Variants in NKAIN2 observed in about 807,000 individuals in gnomAD.
NKAIN2 encodes sodium/potassium transporting ATPase interacting 2, also known as sodium/potassium-transporting ATPase subunit beta-1-interacting protein 2.
NKAIN2 carries 14 observed loss-of-function variants against 32.6 expected under a neutral mutation model. That is an observed-to-expected ratio of 0.43 (90% CI 0.28 to 0.67). The LOEUF (loss-of-function observed/expected upper bound fraction) is 0.67, where lower values mean the gene tolerates loss of function less well. Ranked by LOEUF, NKAIN2 falls within the 30% of genes least tolerant of loss-of-function variation. NKAIN2 has a pLI of 0.17. For synonymous variants in NKAIN2, 80 were observed against 87.2 expected, an observed-to-expected ratio of 0.92 and a Z score of 0.46; for missense variants, 198 against 258.3, an observed-to-expected ratio of 0.77 and a Z score of 1.60.
At chr6:124,821,754 A>G (rs913253785) in intron 6 of NKAIN2, among the ~76,000 whole-genome samples, 5 of 152,242 alleles carry the variant, frequency 3.3e-5, no homozygotes, top group Non-Finnish European at 2.9e-5. Context: ...GAAGTTATGT[A>G]TACTTAAGGT....
intron 2 of NKAIN2, among the ~76,000 whole-genome samples, chr6:124,342,875 C>T (rs1218671261): frequency 2.7e-5 from 4 of 147,538 alleles, no homozygotes; most frequent in African/African-American, 1.1e-4. Context: ...TACATGTGCA[C>T]AATGTGCCAG....
At chr6:123,899,513 G>A (rs1562246625) in intron 1 of NKAIN2, among the ~76,000 whole-genome samples, 1 of 152,114 alleles carries the variant, frequency 6.6e-6, no homozygotes, top group African/African-American at 2.4e-5. Context: ...TACCTCACAA[G>A]CCAACTTGGA....
At chr6:123,934,574 C>CT (rs1257596673) in intron 1 of NKAIN2, among the ~76,000 whole-genome samples, 1 of 152,016 alleles carries the variant, frequency 6.6e-6, no homozygotes, top group Non-Finnish European at 1.5e-5. Context: ...CTCAGGGTTT[C>CT]TTTAGTACTT....
At chr6:124,727,064 A>T (rs1329342433) in intron 4 of NKAIN2, among the ~76,000 whole-genome samples, 1 of 152,088 alleles carries the variant, frequency 6.6e-6, no homozygotes, top group Non-Finnish European at 1.5e-5. Flanking sequence ...ATGTGAAAAG[A>T]CCAAATCTAC....
chr6:124,652,196 C>A (rs1476327325), intron 3 of NKAIN2, among the ~76,000 whole-genome samples: 1 of 152,192 alleles, frequency 6.6e-6, no homozygotes, highest in Non-Finnish European at 1.5e-5. Context: ...AAGTTCTCTG[C>A]CACTTTATAT....
At chr6:124,707,855 A>G (rs1308993371) in intron 4 of NKAIN2, among the ~76,000 whole-genome samples, 1 of 152,084 alleles carries the variant, frequency 6.6e-6, no homozygotes, top group South Asian at 2.1e-4. Context: ...ATTAGATCCC[A>G]TCTGTGAATT....
At chr6:124,355,189 C>T (rs956163518) in intron 2 of NKAIN2, 78 bp from the exon 3 acceptor site, 31 of 904,030 alleles carry the variant, frequency 3.4e-5, no homozygotes, top group East Asian at 1.9e-4. Context: ...TTAGGGTGTG[C>T]GAAAGTTCGT....
chr6:124,803,715 A>G (rs1262770359), intron 5 of NKAIN2, among the ~76,000 whole-genome samples: 1 of 151,916 alleles, frequency 6.6e-6, no homozygotes, highest in East Asian at 1.9e-4. Context: ...CACTTTTGTC[A>G]CTCTATATAA....
intron 1 of NKAIN2, among the ~76,000 whole-genome samples, chr6:123,821,107 G>A (rs577305642): frequency 2.0e-5 from 3 of 152,270 alleles, no homozygotes; most frequent in East Asian, 3.9e-4. Flanking sequence ...AACATTACAT[G>A]CCAGCCAATC....
At position 123,944,566 on chromosome 6, in the gene NKAIN2, G is replaced by A. The variant is rs968335376; in HGVS notation, c.54+140312G>A. Among the ~76,000 whole-genome samples, 7 of 152,122 alleles carry A rather than the reference G, an allele frequency of 4.6e-5. No individual in the cohort carries two copies. In the South Asian group the frequency reaches 8.3e-4, roughly 18 times the overall value. On this transcript the variant is annotated intron_variant, in intron 1 of 6. Transcript: ENST00000368417. Reference sequence around the variant, plus strand: ...TGGGCTAAATATCATCCAGATAATTGTAGCCTTATTCCACATCCTGTGTTT... The same window carrying A: ...TGGGCTAAATATCATCCAGATAATTATAGCCTTATTCCACATCCTGTGTTT...
At chr6:124,813,285 A>G (rs1780997600) in intron 5 of NKAIN2, among the ~76,000 whole-genome samples, 1 of 152,188 alleles carries the variant, frequency 6.6e-6, no homozygotes, top group Non-Finnish European at 1.5e-5. Context: ...AAATATTTCT[A>G]CAGTATTAGA....
chr6:124,045,192 A>C (rs1782059707), intron 1 of NKAIN2, among the ~76,000 whole-genome samples: 1 of 151,882 alleles, frequency 6.6e-6, no homozygotes, highest in Non-Finnish European at 1.5e-5. Context: ...ATATATATAT[A>C]GAATGCATCA....
At chr6:123,956,059 A>G (rs896312671) in intron 1 of NKAIN2, among the ~76,000 whole-genome samples, 2 of 152,032 alleles carry the variant, frequency 1.3e-5, no homozygotes, top group Non-Finnish European at 2.9e-5. Flanking sequence ...ACCATGCCGA[A>G]CTACATTTAA....
At chr6:124,268,786 G>A (rs1353320564) in intron 1 of NKAIN2, among the ~76,000 whole-genome samples, 2 of 151,736 alleles carry the variant, frequency 1.3e-5, no homozygotes, top group Non-Finnish European at 2.9e-5. Context: ...TAATACCACT[G>A]CTGAAGTGAT....
intron 3 of NKAIN2, among the ~76,000 whole-genome samples, chr6:124,598,965 G>T (rs1286199942): frequency 6.6e-6 from 1 of 151,570 alleles, no homozygotes; most frequent in Non-Finnish European, 1.5e-5. Context: ...ATCACTTTAA[G>T]GGTACTAATA....
At chr6:124,386,387 G>C (rs776849839) in intron 3 of NKAIN2, among the ~76,000 whole-genome samples, 28 of 152,126 alleles carry the variant, frequency 1.8e-4, no homozygotes, top group Admixed American at 2.6e-4. Flanking sequence ...CTGTTGACTG[G>C]TTCACTGTTG....
At chr6:124,454,329 G>A (rs779232652) in intron 3 of NKAIN2, among the ~76,000 whole-genome samples, 57 of 152,074 alleles carry the variant, frequency 3.7e-4, no homozygotes, top group East Asian at 1.2e-3. Flanking sequence ...GTATAAATAT[G>A]ACAGTAACAT....
At chr6:124,807,006 A>G (rs1780599835) in intron 5 of NKAIN2, among the ~76,000 whole-genome samples, 1 of 152,194 alleles carries the variant, frequency 6.6e-6, no homozygotes, top group Non-Finnish European at 1.5e-5. Flanking sequence ...TGAGTGACCT[A>G]CAAAGAGACT....
At chr6:123,969,316 A>G (rs956473817) in intron 1 of NKAIN2, among the ~76,000 whole-genome samples, 2 of 152,308 alleles carry the variant, frequency 1.3e-5, no homozygotes, top group Non-Finnish European at 1.5e-5. Flanking sequence ...AGGAATAAGG[A>G]TGGAGTTAAA....
Sources: allele counts gnomAD v4.1 joint callset (sites outside exome capture counted in the v4.1 genomes callset), GRCh38; gene constraint gnomAD v4.1.1; transcripts MANE v1.5; gene names NCBI Gene and HGNC (gene_info 2026-07-23, HGNC 2026-07-21).